The following CD38 variants were observed in gnomAD, a reference collection of about 807,000 sequenced individuals.
CD38 encodes CD38 molecule, also known as ADP-ribosyl cyclase/cyclic ADP-ribose hydrolase 1.
A neutral mutation model predicts 36.3 loss-of-function variants in CD38; 31 were observed. The observed-to-expected ratio is 0.85, with a 90% CI of 0.64 to 1.15. The LOEUF is 1.15. Among genes scored for constraint, CD38 ranks in the 50% most tolerant of loss-of-function variants. The pLI is 0.00. For synonymous variants in CD38, 131 were observed against 135.2 expected, an observed-to-expected ratio of 0.97 and a Z score of 0.22; for missense variants, 380 against 371.9, an observed-to-expected ratio of 1.02 and a Z score of -0.18.
intron 4 of CD38, among the ~76,000 whole-genome samples, chr4:15,835,709 C>T (rs1209646929): frequency 6.6e-6 from 1 of 152,112 alleles, no homozygotes; most frequent in South Asian, 2.1e-4. Context: ...GACAGGGTTT[C>T]ACTATGTTGG....
rs929233586 is a variant in CD38, at chr4:15,853,028, G to A, written c.*4426G>A. On this transcript the variant is annotated 3_prime_UTR_variant, in exon 8 of 8. Coordinates refer to ENST00000226279, the MANE Select transcript of CD38 (RefSeq NM_001775.4). ...GGTTTCACCGTGTTAGCCAGGATAGGGCATTTATTCTTGAACTTGATTCAG... is the reference window on the plus strand; with the variant it reads ...GGTTTCACCGTGTTAGCCAGGATAGAGCATTTATTCTTGAACTTGATTCAG... 5.3e-5 allele frequency: 8 copies of A among 151,836 alleles called. No homozygotes were observed. The highest frequency in any genetic ancestry group is 1.9e-4 in the African/African-American group (8 of 41,330). The allele number at this position is 151,836 out of a possible 1,614,324, so 9.4% of individuals were successfully genotyped here. A position where few individuals can be genotyped will look rare whatever the true frequency, so the allele number is the denominator to read the frequency against.
chr4:15,791,044 TGGG>T (rs1246995244), intron 1 of CD38, among the ~76,000 whole-genome samples: 1 of 104,728 alleles, frequency 9.5e-6, no homozygotes, highest in Non-Finnish European at 2.0e-5. Context: ...GGGAGGGAGG[TGGG>T]GGGGGGTCAG....
At chr4:15,779,792 A>G (rs1722650628) in intron 1 of CD38, among the ~76,000 whole-genome samples, 1 of 152,056 alleles carries the variant, frequency 6.6e-6, no homozygotes, top group African/African-American at 2.4e-5. Flanking sequence ...GTTAGAAAGC[A>G]ACCTCATTAA....
rs1270698584 is a variant in CD38, at chr4:15,851,726, AC to A, written c.*3125del. The A allele has an allele frequency of 5.3e-5, 8 of 152,360 alleles. No individual in the cohort carries two copies. The East Asian group carries it at 1.3e-3, about 26-fold the overall frequency. 9.4% of individuals were successfully genotyped at this position (152,360 alleles called of 1,614,324 possible). A position where few individuals can be genotyped will look rare whatever the true frequency, so the allele number is the denominator to read the frequency against. On this transcript the variant is annotated 3_prime_UTR_variant, in exon 8 of 8. Transcript: ENST00000226279. Reference sequence around the variant, plus strand: ...CAAACACACGCACACAAGCCTGCATACATCATATGCCAACAGTGGGGATATG... The same window carrying A: ...CAAACACACGCACACAAGCCTGCATAATCATATGCCAACAGTGGGGATATG...
chr4:15,831,990 T>C (rs1035431783), intron 3 of CD38, among the ~76,000 whole-genome samples: 3 of 152,266 alleles, frequency 2.0e-5, no homozygotes, highest in South Asian at 4.1e-4. Context: ...TTCTTTTTTC[T>C]TTTGTCTCCT....
chr4:15,809,412 C>A (rs530860280), intron 1 of CD38, among the ~76,000 whole-genome samples: 4 of 152,150 alleles, frequency 2.6e-5, no homozygotes, highest in Non-Finnish European at 5.9e-5. Flanking sequence ...TTCTCATTTG[C>A]GAAATGAAGG....
At chr4:15,796,657 T>C (rs1723109593) in intron 1 of CD38, among the ~76,000 whole-genome samples, 1 of 152,158 alleles carries the variant, frequency 6.6e-6, no homozygotes. Flanking sequence ...TTTTCTCCTG[T>C]CTCAGAGGCA....
At chr4:15,779,581 A>C (rs888570095) in intron 1 of CD38, among the ~76,000 whole-genome samples, 4 of 152,162 alleles carry the variant, frequency 2.6e-5, no homozygotes, top group African/African-American at 9.7e-5. Context: ...CGAGGAAACG[A>C]GCAAATAGAC....
At chr4:15,795,738 C>G (rs1001534848) in intron 1 of CD38, among the ~76,000 whole-genome samples, 4 of 152,038 alleles carry the variant, frequency 2.6e-5, no homozygotes, top group African/African-American at 9.7e-5. Flanking sequence ...TTGCTAAGCT[C>G]AGTTGTCTAC....
intron 3 of CD38, among the ~76,000 whole-genome samples, chr4:15,826,456 TGC>T (rs754112971): frequency 1.5e-3 from 138 of 93,792 alleles, no homozygotes; most frequent in Non-Finnish European, 2.2e-3. Flanking sequence ...AACACTTTTG[TGC>T]GCACACACAC....
At chr4:15,827,316 C>T (rs1028609373) in intron 3 of CD38, among the ~76,000 whole-genome samples, 2 of 152,096 alleles carry the variant, frequency 1.3e-5, no homozygotes, top group African/African-American at 4.8e-5. Context: ...TGTTTATGGT[C>T]TGTCTTTTGC....
At chr4:15,834,108 CA>C in intron 3 of CD38, 108 bp from the exon 4 acceptor site, 1 of 713,620 alleles carries the variant, frequency 1.4e-6, no homozygotes, top group Non-Finnish European at 2.5e-6. Flanking sequence ...TCCGTCTTGG[CA>C]GTGACACATT....
At chr4:15,821,241 A>G (rs1000794882) in intron 2 of CD38, among the ~76,000 whole-genome samples, 8 of 152,166 alleles carry the variant, frequency 5.3e-5, no homozygotes, top group Admixed American at 3.3e-4. Context: ...AAAGCTAGGA[A>G]GATATCAAAT....
At position 15,782,364 on chromosome 4, in the gene CD38, T is replaced by A. The variant is rs138815660; in HGVS notation, c.233+3717T>A. 6.0e-3 allele frequency among the ~76,000 whole-genome samples: 910 copies of A among 152,348 alleles called. 5 individuals are homozygous for A. Among genetic ancestry groups the A allele is most frequent in the African/African-American group, 0.018 (762 of 41,582 alleles). On this transcript the variant is annotated intron_variant, in intron 1 of 7. Transcript: ENST00000226279. ...TTTTACCCTTTACATCTGGATTTGT[T>A]AGCTTTTCTGTTTTCATTTTCTTCT...
chr4:15,831,294 TAAGAC>T (rs1170199272), intron 3 of CD38, among the ~76,000 whole-genome samples: 6 of 152,230 alleles, frequency 3.9e-5, no homozygotes, highest in Non-Finnish European at 8.8e-5. Context: ...TTTTTCTACT[TAAGAC>T]AAGAGTAGTT....
intron 1 of CD38, among the ~76,000 whole-genome samples, chr4:15,798,786 T>A (rs937909152): frequency 1.3e-5 from 2 of 152,236 alleles, no homozygotes; most frequent in African/African-American, 4.8e-5. Flanking sequence ...GTTGTTTTAT[T>A]TTTTTAATTC....
At chr4:15,797,387 A>T (rs1382075704) in intron 1 of CD38, among the ~76,000 whole-genome samples, 1 of 152,162 alleles carries the variant, frequency 6.6e-6, no homozygotes, top group East Asian at 1.9e-4. Flanking sequence ...TTAGTCTGTT[A>T]TCTTTTTTGT....
chr4:15,833,841 A>G (rs553542593), intron 3 of CD38, among the ~76,000 whole-genome samples: 1 of 152,290 alleles, frequency 6.6e-6, no homozygotes, highest in South Asian at 2.1e-4. Flanking sequence ...ACAGCAAGAG[A>G]GAGTTGTCAG....
chr4:15,820,876 C>G (rs1318363337), intron 2 of CD38, among the ~76,000 whole-genome samples: 2 of 152,182 alleles, frequency 1.3e-5, no homozygotes, highest in Non-Finnish European at 2.9e-5. Flanking sequence ...GCCAAAGCAA[C>G]AGAATATACA....
Sources: allele counts gnomAD v4.1 joint callset (sites outside exome capture counted in the v4.1 genomes callset), GRCh38; gene constraint gnomAD v4.1.1; transcripts MANE v1.5; gene names NCBI Gene and HGNC (gene_info 2026-07-23, HGNC 2026-07-21).